The following GBE1 variants were observed in gnomAD, a reference collection of about 807,000 sequenced individuals.
GBE1 encodes the protein 1,4-alpha-glucan-branching enzyme.
In GBE1, 70 loss-of-function variants were observed where a neutral mutation model predicts 88.8. The observed-to-expected ratio is 0.79, with a 90% CI of 0.65 to 0.96. The LOEUF (loss-of-function observed/expected upper bound fraction) is 0.96. GBE1 is among the 40% of genes least tolerant of loss of function. The pLI, the probability that GBE1 is intolerant of heterozygous loss-of-function variation, is 0.00. For synonymous variants in GBE1, 284 were observed against 300.1 expected, an observed-to-expected ratio of 0.95 and a Z score of 0.56; for missense variants, 872 against 871.0, an observed-to-expected ratio of 1.00 and a Z score of -0.01.
At chr3:81,541,872 G>A (rs1310884141) in intron 12 of GBE1, among the ~76,000 whole-genome samples, 2 of 152,066 alleles carry the variant, frequency 1.3e-5, no homozygotes, top group East Asian at 1.9e-4. Context: ...AAGCATATAC[G>A]ATACATAGTA....
Position 81,581,169 on chromosome 3 carries a change from T to G in GBE1, c.1442A>C (p.Asp481Ala). 2 of 1,589,732 alleles carry G rather than the reference T, an allele frequency of 1.3e-6. No homozygotes were observed. Among genetic ancestry groups the G allele is most frequent in the Non-Finnish European group, 1.7e-6 (2 of 1,160,650 alleles). Residue 481 changes from aspartate (D) to alanine (A), a missense_variant, in exon 11 of 16, where the codon GAT becomes GCT. Asp to Ala is a moderately radical substitution (Grantham distance 126, BLOSUM62 -2). Coordinates refer to ENST00000429644, the MANE Select transcript of GBE1 (RefSeq NM_000158.4). ...EKCIAYAESH[D>A]QALVGDKSLA... ...TTTATGCACATATTCATTTACCTGA[T>G]CATGGCTCTCTGCATAAGCAATGCA...
At chr3:81,616,875 TA>T (rs1159924731) in intron 7 of GBE1, among the ~76,000 whole-genome samples, 1 of 152,084 alleles carries the variant, frequency 6.6e-6, no homozygotes, top group African/African-American at 2.4e-5. Flanking sequence ...CAGTGTTTTA[TA>T]GTTTTCATTA....
chr3:81,624,918 C>A (rs1704390592), intron 7 of GBE1, among the ~76,000 whole-genome samples: 1 of 152,150 alleles, frequency 6.6e-6, no homozygotes, highest in Non-Finnish European at 1.5e-5. Context: ...AGGAAACTTT[C>A]TAGCAGCAGC....
At chr3:81,571,952 G>A (rs1703581237) in intron 12 of GBE1, among the ~76,000 whole-genome samples, 1 of 152,234 alleles carries the variant, frequency 6.6e-6, no homozygotes, top group East Asian at 1.9e-4. Flanking sequence ...AATTGACATG[G>A]TTAGGCTTTG....
intron 7 of GBE1, among the ~76,000 whole-genome samples, chr3:81,616,816 T>C (rs1346453330): frequency 6.6e-6 from 1 of 152,130 alleles, no homozygotes; most frequent in East Asian, 1.9e-4. Context: ...AGTTGTCCAA[T>C]CTGTGAACAC....
intron 15 of GBE1, among the ~76,000 whole-genome samples, chr3:81,493,467 T>C (rs960171764): frequency 1.3e-5 from 2 of 152,146 alleles, no homozygotes; most frequent in Non-Finnish European, 2.9e-5. Context: ...AATGATAATT[T>C]AGAACCAGTC....
intron 1 of GBE1, among the ~76,000 whole-genome samples, chr3:81,717,676 T>G (rs1705958617): frequency 6.6e-6 from 1 of 152,152 alleles, no homozygotes; most frequent in South Asian, 2.1e-4. Context: ...TCCAAAGTTT[T>G]AGGTTCTTCT....
At chr3:81,612,240 A>AAC (rs1186423024) in intron 7 of GBE1, 71 of 533,042 alleles carry the variant, frequency 1.3e-4, no homozygotes, top group African/African-American at 1.2e-3. Flanking sequence ...AAAAAAAAAA[A>AAC]AAACTTAAAG....
intron 15 of GBE1, among the ~76,000 whole-genome samples, chr3:81,494,755 A>G (rs1559623419): frequency 1.3e-5 from 2 of 152,308 alleles, no homozygotes; most frequent in East Asian, 3.9e-4. Flanking sequence ...AGAGAGTCAA[A>G]TGCATGCTAA....
At position 81,750,659 on chromosome 3, in the gene GBE1, GTATATATATATATACGTATA is replaced by G. The variant is rs1706512269; in HGVS notation, c.143+10696_143+10715del. On this transcript the variant is annotated intron_variant, in intron 1 of 15. Transcript: ENST00000429644. The stretch of plus-strand genomic sequence containing the variant: ...TATATATATATGTATATATATATAT[GTATATATATATATACGTATA>G]TATATATATATATATGTATTTTTTT... Among the ~76,000 whole-genome samples, 44 of 35,300 alleles carry G rather than the reference GTATATATATATATACGTATA, an allele frequency of 1.2e-3. 6 individuals are homozygous for G. Among genetic ancestry groups the G allele is most frequent in the African/African-American group, 7.3e-3 (34 of 4,662 alleles). 23.2% of individuals were successfully genotyped at this position (35,300 alleles called of 152,430 possible).
At chr3:81,663,805 G>A (rs928900101) in intron 3 of GBE1, among the ~76,000 whole-genome samples, 1 of 152,146 alleles carries the variant, frequency 6.6e-6, no homozygotes, top group South Asian at 2.1e-4. Context: ...GTGAGTTCTC[G>A]CAGAGGTTTG....
At position 81,642,887 on chromosome 3, in the gene GBE1, A is replaced by C. The variant is rs1704705816; in HGVS notation, c.886T>G (p.Ser296Ala). ...TCAAACATATTCAATCCATCTGCTG[A>C]ATTTTTTGAAGCATGGCTGTGTACC... The part of the protein sequence containing the change: ...DVVHSHASKN[S>A]ADGLNMFDGT... The change falls in exon 7 of 16, where the codon TCA (serine) becomes GCA (alanine). Residue 296 changes from serine (S) to alanine (A), a missense_variant. Transcript: ENST00000429644. 6.2e-7 allele frequency: 1 copy of C among 1,612,878 alleles called. No homozygotes were observed.
At position 81,591,061 on chromosome 3, in the gene GBE1, A is replaced by C; in HGVS notation, c.1212T>G (p.Cys404Trp). The change falls in exon 9 of 16, where the codon TGT (cysteine) becomes TGG (tryptophan). Residue 404 changes from cysteine to tryptophan, a missense_variant. Physicochemically the swap from Cys to Trp is radical, Grantham distance 215. Coordinates refer to ENST00000429644, the MANE Select transcript of GBE1 (RefSeq NM_000158.4). Reference sequence around the variant, plus strand: ...CCTCAGCTATTGTTATAGAATCGGGACACAGCGTGTGAACCAAATGATTTG... The same window carrying C: ...CCTCAGCTATTGTTATAGAATCGGGCCACAGCGTGTGAACCAAATGATTTG... Reference protein sequence around the residue: ...MLANHLVHTLCPDSITIAEDV... With the variant: ...MLANHLVHTLWPDSITIAEDV... 6.2e-7 allele frequency: 1 copy of C among 1,609,974 alleles called. No homozygotes were observed.
At chr3:81,696,389 T>C (rs1705595554) in intron 2 of GBE1, among the ~76,000 whole-genome samples, 1 of 152,196 alleles carries the variant, frequency 6.6e-6, no homozygotes, top group Non-Finnish European at 1.5e-5. Flanking sequence ...ACAAATTAAA[T>C]GGAAGTTGCC....
chr3:81,624,739 A>G (rs545067640), intron 7 of GBE1, among the ~76,000 whole-genome samples: 10 of 152,280 alleles, frequency 6.6e-5, no homozygotes, highest in Admixed American at 1.3e-4. Flanking sequence ...ATAAGGTAAC[A>G]TAACTTAAAA....
intron 7 of GBE1, among the ~76,000 whole-genome samples, chr3:81,641,479 A>G (rs1704677213): frequency 6.6e-6 from 1 of 152,142 alleles, no homozygotes; most frequent in East Asian, 1.9e-4. Context: ...ATAAATGTTC[A>G]AAAGGTGACA....
intron 3 of GBE1, among the ~76,000 whole-genome samples, chr3:81,669,681 A>C (rs1705162138): frequency 6.6e-6 from 1 of 151,790 alleles, no homozygotes; most frequent in Non-Finnish European, 1.5e-5. Context: ...GCTTATACTG[A>C]CATGGAAAGG....
intron 14 of GBE1, among the ~76,000 whole-genome samples, chr3:81,505,056 A>G (rs1303433541): frequency 2.0e-5 from 3 of 152,212 alleles, no homozygotes; most frequent in Non-Finnish European, 4.4e-5. Context: ...TTCAAGATGA[A>G]TTATTTTATA....
intron 14 of GBE1, chr3:81,509,395 C>T (rs1045145210): frequency 4.7e-5 from 7 of 150,256 alleles, no homozygotes; most frequent in Non-Finnish European, 8.9e-5. Context: ...TAAATACCTA[C>T]ACACACTCTC....
Sources: gnomAD v4.1 joint callset for allele counts (sites outside exome capture counted in the v4.1 genomes callset) on GRCh38, gnomAD v4.1.1 for gene constraint, MANE v1.5 for transcripts, NCBI Gene and HGNC (gene_info 2026-07-23, HGNC 2026-07-21) for gene names.